The following ELAC2 variants were observed in gnomAD, a reference collection of about 807,000 sequenced individuals.
ELAC2 encodes the protein elaC ribonuclease Z 2.
Under a neutral mutation model 105.2 loss-of-function variants are expected in ELAC2, and 92 were observed. The observed-to-expected ratio is 0.87, with a 90% CI of 0.74 to 1.04. The LOEUF (loss-of-function observed/expected upper bound fraction) is 1.04. Ranked by LOEUF, ELAC2 falls within the 50% of genes least tolerant of loss-of-function variation. The pLI, the probability that ELAC2 is intolerant of heterozygous loss-of-function variation, is 0.00. For missense variants in ELAC2, 1,099 were observed against 1,071.7 expected (o/e 1.03, Z -0.36); for synonymous variants, 468 against 409.1 (o/e 1.14, Z -1.74).
At chr17:13,016,766 A>C (rs1314080603) in intron 3 of ELAC2, 96 bp downstream of exon 3, 20 of 1,202,370 alleles carry the variant, frequency 1.7e-5, no homozygotes, top group Non-Finnish European at 2.4e-5. Context: ...AAAAAAAAAA[A>C]AGTAGCTGCC....
intron 2 of ELAC2, 47 bp from the exon 3 acceptor site, chr17:13,016,979 G>A (rs1430647790): frequency 1.9e-6 from 3 of 1,612,500 alleles, no homozygotes; most frequent in Non-Finnish European, 2.5e-6. Context: ...ACAGAACAAG[G>A]ACCACTTTTG....
chr17:12,994,955 C>T lies in ELAC2; in HGVS notation c.1908+8G>A, dbSNP rs377341432. On this transcript the variant is annotated splice_region_variant and intron_variant, in intron 20 of 23. Transcript: ENST00000338034. ...CGCCCCCATGATGCCTGCGGCTGTG[C>T]CCCTTACCTCTTCCAAATCACATGT... 7 of 1,614,038 alleles carry T rather than the reference C, an allele frequency of 4.3e-6. No individual in the cohort carries two copies. Among genetic ancestry groups the T allele is most frequent in the Non-Finnish European group, 5.9e-6 (7 of 1,180,058 alleles).
intron 10 of ELAC2, 29 bp downstream of exon 10, chr17:13,005,724 T>A: frequency 6.2e-7 from 1 of 1,601,492 alleles, no homozygotes. Context: ...TACCTGTAAC[T>A]GCTGAATCAA....
rs765709821 is a variant in ELAC2 at position 12,993,727 on chromosome 17, T to C, written c.2213A>G (p.Asn738Ser). The C allele has an allele frequency of 3.0e-5, 48 of 1,614,002 alleles. No individual in the cohort carries two copies. Among genetic ancestry groups the C allele is most frequent in the Admixed American group, 2.5e-4 (15 of 60,004 alleles). The change falls in exon 23 of 24, where the codon AAC becomes AGC. Residue 738 changes from asparagine (N) to serine (S), a missense_variant. By Grantham distance (46) the Asn-to-Ser change is conservative. Coordinates refer to ENST00000338034, the MANE Select transcript of ELAC2 (RefSeq NM_018127.7). ...RYAKVPLFSP[N>S]FSEKVGVAFD... ...GGCAACTCCCACTTTCTCGCTGAAG[T>C]TGGGGCTGAAGAGGGGGACCTTGGC...
intron 8 of ELAC2, chr17:13,006,347 C>A: frequency 4.0e-5 from 9 of 225,440 alleles, no homozygotes; most frequent in East Asian, 2.1e-4. Flanking sequence ...CCAGCCTAGG[C>A]AACAAAAGCG....
chr17:13,007,683 G>T (rs1567762532), intron 8 of ELAC2, among the ~76,000 whole-genome samples: 1 of 152,104 alleles, frequency 6.6e-6, no homozygotes, highest in Non-Finnish European at 1.5e-5. Context: ...TTCAAGACCA[G>T]CCTGGCCAAC....
At chr17:12,998,783 G>C (rs2040603757) in intron 15 of ELAC2, among the ~76,000 whole-genome samples, 1 of 152,152 alleles carries the variant, frequency 6.6e-6, no homozygotes, top group Non-Finnish European at 1.5e-5. Context: ...TTGTTCCCAG[G>C]AGAGGGGGGT....
intron 3 of ELAC2, 95 bp downstream of exon 3, chr17:13,016,767 A>AAG: frequency 8.7e-7 from 1 of 1,146,362 alleles, no homozygotes; most frequent in Non-Finnish European, 1.3e-6. Context: ...AAAAAAAAAA[A>AAG]GTAGCTGCCC....
chr17:13,005,700 A>G, intron 10 of ELAC2, 53 bp downstream of exon 10: 1 of 1,589,590 alleles, frequency 6.3e-7, no homozygotes, highest in Non-Finnish European at 8.6e-7. Context: ...GACTCTGCCC[A>G]GCATTTCAGA....
Position 13,018,000 on chromosome 17 carries a change from T to A in ELAC2, c.-53A>T, listed in dbSNP as rs983333313. Reference sequence around the variant, plus strand: ...GCCGCCGGTCACCTACGCCCGCGTTTCCCGTGCACCACCTAGCCGCTCCGC... The same window carrying A: ...GCCGCCGGTCACCTACGCCCGCGTTACCCGTGCACCACCTAGCCGCTCCGC... On this transcript the variant is annotated 5_prime_UTR_variant, in exon 1 of 24. Transcript: ENST00000338034. 2.0e-6 allele frequency: 3 copies of A among 1,533,738 alleles called. No individual in the cohort carries two copies. The highest frequency in any genetic ancestry group is 4.9e-5 in the East Asian group (2 of 40,866).
At chr17:13,003,452 C>T (rs2143612509) in intron 12 of ELAC2, 27 bp downstream of exon 12, 1 of 1,608,452 alleles carries the variant, frequency 6.2e-7, no homozygotes, top group East Asian at 2.2e-5. Context: ...AGAGTTACCC[C>T]AAGTGCCGCT....
At chr17:13,009,431 C>T (rs1372695483) in intron 8 of ELAC2, among the ~76,000 whole-genome samples, 1 of 152,120 alleles carries the variant, frequency 6.6e-6, no homozygotes, top group Non-Finnish European at 1.5e-5. Context: ...TAAAAATAAG[C>T]CACTAGTCAG....
At chr17:13,017,672 C>T (rs2041822606) in intron 1 of ELAC2, 31 bp downstream of exon 1, 1 of 1,613,148 alleles carries the variant, frequency 6.2e-7, no homozygotes, top group African/African-American at 1.3e-5. Context: ...ACTGAGGGCC[C>T]AGCGGGACGG....
At position 12,991,908 on chromosome 17, in the gene ELAC2, C is replaced by T. The variant is rs149557334; in HGVS notation, c.*910G>A. 4.6e-5 allele frequency among the ~76,000 whole-genome samples: 7 copies of T among 152,128 alleles called. No homozygotes were observed. The highest frequency in any genetic ancestry group is 2.1e-4 in the South Asian group (1 of 4,822). On this transcript the variant is annotated 3_prime_UTR_variant, in exon 24 of 24. Coordinates refer to ENST00000338034, the MANE Select transcript of ELAC2 (RefSeq NM_018127.7). ...TCCTTGGAAAATGCTCTCCATTTGT[C>T]GAGCACTAATCCACGTCTGTAAATC...
intron 8 of ELAC2, among the ~76,000 whole-genome samples, chr17:13,008,857 G>A (rs968100148): frequency 1.6e-4 from 24 of 152,232 alleles, no homozygotes; most frequent in African/African-American, 3.6e-4. Context: ...AGAAGGAGCC[G>A]CAGAAGACAG....
Position 12,992,880 on chromosome 17 carries a change from C to T in ELAC2, c.2419G>A (p.Glu807Lys), listed in dbSNP as rs1374202791. The stretch of plus-strand genomic sequence containing the variant: ...GTGTGGGCCCGCTTCTGCTGAGGCT[C>T]CCCATCCTCCAGGCCGCCTGCCAGC... Reference protein sequence around the residue: ...RELAGGLEDGEPQQKRAHTEE... With the variant: ...RELAGGLEDGKPQQKRAHTEE... Residue 807 changes from glutamate (E) to lysine (K), a missense_variant, in exon 24 of 24, where the codon GAG becomes AAG. By Grantham distance (56) the Glu-to-Lys change is moderately conservative (BLOSUM62 1). Transcript: ENST00000338034. 2 of 1,613,070 alleles carry T rather than the reference C, an allele frequency of 1.2e-6. No homozygotes were observed. Among genetic ancestry groups the T allele is most frequent in the Non-Finnish European group, 8.5e-7 (1 of 1,180,038 alleles).
chr17:13,006,921 A>C (rs1386907892), intron 8 of ELAC2, among the ~76,000 whole-genome samples: 3 of 152,140 alleles, frequency 2.0e-5, no homozygotes, highest in African/African-American at 7.2e-5. Context: ...GGAGATCAAG[A>C]CCACCCTGGC....
In ELAC2 at chr17:12,993,733, C is replaced by T; in HGVS notation, c.2207G>A (p.Ser736Asn). The change falls in exon 23 of 24, where the codon AGC becomes AAC. Residue 736 changes from serine (S) to asparagine (N), a missense_variant. By Grantham distance (46) the Ser-to-Asn change is conservative. Coordinates refer to ENST00000338034, the MANE Select transcript of ELAC2 (RefSeq NM_018127.7). Reference protein sequence around the residue: ...SQRYAKVPLFSPNFSEKVGVA... With the variant: ...SQRYAKVPLFNPNFSEKVGVA... ...TCCCACTTTCTCGCTGAAGTTGGGG[C>T]TGAAGAGGGGGACCTTGGCATAGCG... The T allele has an allele frequency of 6.2e-7, 1 of 1,614,164 alleles. No homozygotes were observed. The highest frequency in any genetic ancestry group is 8.5e-7 in the Non-Finnish European group (1 of 1,180,028).
chr17:13,012,156 A>T (rs978688002), intron 6 of ELAC2, among the ~76,000 whole-genome samples: 1 of 149,758 alleles, frequency 6.7e-6, no homozygotes, highest in African/African-American at 2.4e-5. Flanking sequence ...AGATCAAGGG[A>T]AAAAAATTCG....
Sources: gnomAD v4.1 joint callset for allele counts (sites outside exome capture counted in the v4.1 genomes callset) on GRCh38, gnomAD v4.1.1 for gene constraint, MANE v1.5 for transcripts, NCBI Gene and HGNC (gene_info 2026-07-23, HGNC 2026-07-21) for gene names.